WDPCP: variants seen among roughly 807,000 people sequenced by gnomAD.
WDPCP encodes the protein WD repeat containing planar cell polarity effector, also known as WD repeat-containing and planar cell polarity effector protein fritz homolog.
WDPCP carries 71 observed loss-of-function variants against 93.1 expected under a neutral mutation model. That is an observed-to-expected ratio of 0.76 (90% CI 0.63 to 0.93). WDPCP has a LOEUF of 0.93. Ranked by LOEUF, WDPCP falls within the 40% of genes least tolerant of loss-of-function variation. The pLI, the probability that WDPCP is intolerant of heterozygous loss-of-function variation, is 0.00. For missense variants in WDPCP, 844 were observed against 887.4 expected (o/e 0.95, Z 0.62); for synonymous variants, 315 against 315.0 (o/e 1.00, Z 0.00).
At chr2:63,538,058 GT>G (rs905147808) in intron 1 of WDPCP, among the ~76,000 whole-genome samples, 5 of 151,932 alleles carry the variant, frequency 3.3e-5, no homozygotes, top group African/African-American at 1.2e-4. Context: ...AGGTTTTGGG[GT>G]TTTTTTAATT....
intron 17 of WDPCP, among the ~76,000 whole-genome samples, chr2:63,138,255 A>T (rs1032080569): frequency 6.6e-6 from 1 of 152,006 alleles, no homozygotes; most frequent in Non-Finnish European, 1.5e-5. Flanking sequence ...ATTACAGTTC[A>T]CATTTAACTC....
At chr2:63,362,286 T>TGTGTGTGTGTGG in intron 12 of WDPCP, among the ~76,000 whole-genome samples, 1 of 121,878 alleles carries the variant, frequency 8.2e-6, no homozygotes, top group African/African-American at 3.4e-5. Context: ...GTTGTGTGTG[T>TGTGTGTGTGTGG]GTGTGTGTGT....
At chr2:63,620,768 G>C (rs1203357060) in intron 3 of WDPCP, among the ~76,000 whole-genome samples, 1 of 152,148 alleles carries the variant, frequency 6.6e-6, no homozygotes, top group East Asian at 1.9e-4. Context: ...ATAAAGGAGA[G>C]CTCCAGCTGG....
intron 9 of WDPCP, among the ~76,000 whole-genome samples, chr2:63,411,103 T>C (rs1694989614): frequency 6.6e-6 from 1 of 152,184 alleles, no homozygotes. Context: ...CAACAGCACA[T>C]GGAACCTTCT....
intron 13 of WDPCP, among the ~76,000 whole-genome samples, chr2:63,261,137 G>A (rs932146482): frequency 2.7e-5 from 4 of 150,016 alleles, no homozygotes; most frequent in African/African-American, 9.8e-5. Context: ...TGCAAGTAAT[G>A]TCAGGCTGCA....
chr2:63,544,003 C>T (rs1025090504), intron 1 of WDPCP, among the ~76,000 whole-genome samples: 4 of 151,892 alleles, frequency 2.6e-5, no homozygotes, highest in Non-Finnish European at 5.9e-5. Flanking sequence ...AACAATATAC[C>T]AATAGCTTGA....
intron 6 of WDPCP, among the ~76,000 whole-genome samples, chr2:63,462,564 G>A (rs1699088590): frequency 1.3e-5 from 2 of 152,044 alleles, no homozygotes; most frequent in South Asian, 2.1e-4. Flanking sequence ...GAGCAGACTG[G>A]TAGGGGCACA....
chr2:63,125,947 T>C (rs1669873053), intron 17 of WDPCP, among the ~76,000 whole-genome samples: 1 of 150,704 alleles, frequency 6.6e-6, no homozygotes, highest in African/African-American at 2.4e-5. Context: ...TTTTTTTTTT[T>C]TTTTTGAGAT....
At chr2:63,762,428 C>T (rs1366044509) in intron 2 of WDPCP, among the ~76,000 whole-genome samples, 1 of 152,116 alleles carries the variant, frequency 6.6e-6, no homozygotes, top group African/African-American at 2.4e-5. Context: ...CAGATTATGC[C>T]AATAAACTGG....
chr2:63,408,852 C>A (rs993255389), intron 9 of WDPCP, among the ~76,000 whole-genome samples: 14 of 152,054 alleles, frequency 9.2e-5, no homozygotes, highest in Non-Finnish European at 1.6e-4. Context: ...AATCCAGTGA[C>A]CTGGGAATGT....
Position 63,588,324 on chromosome 2 carries a change from G to T in WDPCP, c.-53C>A. 6.5e-7 allele frequency: 1 copy of T among 1,548,062 alleles called. No individual in the cohort carries two copies. Among genetic ancestry groups the T allele is most frequent in the Non-Finnish European group, 8.8e-7 (1 of 1,142,680 alleles). ...TCCTAGGCTAGGTCCTCGGACCCGA[G>T]AGGGAGCGACACGCTCGCTTGGTCT... On this transcript the variant is annotated 5_prime_UTR_variant, in exon 1 of 18. Coordinates refer to ENST00000272321, the MANE Select transcript of WDPCP (RefSeq NM_015910.7).
chr2:63,653,333 G>A (rs550948833), intron 2 of WDPCP, among the ~76,000 whole-genome samples: 104 of 152,260 alleles, frequency 6.8e-4, no homozygotes, highest in African/African-American at 2.4e-3. Flanking sequence ...CACAGGATTG[G>A]GACTGAATCA....
chr2:63,193,872 C>CT (rs1310632654), intron 14 of WDPCP, among the ~76,000 whole-genome samples: 43 of 152,012 alleles, frequency 2.8e-4, no homozygotes, highest in Non-Finnish European at 5.6e-4. Flanking sequence ...GTGAAGGTGG[C>CT]TTTTTGCGAA....
chr2:63,306,998 G>A (rs1009544773), intron 13 of WDPCP, among the ~76,000 whole-genome samples: 6 of 152,138 alleles, frequency 3.9e-5, no homozygotes, highest in Non-Finnish European at 5.9e-5. Flanking sequence ...AAACCCCATC[G>A]TCTCAGCCCA....
At chr2:63,589,081 G>C (rs372341562), upstream of WDPCP, 5 of 1,614,000 alleles carry the variant, frequency 3.1e-6, no homozygotes, top group Non-Finnish European at 4.2e-6. Flanking sequence ...CCCACCTCTG[G>C]CCCTCGCGCC....
At chr2:63,293,564 T>C (rs1372752713) in intron 13 of WDPCP, among the ~76,000 whole-genome samples, 2 of 151,952 alleles carry the variant, frequency 1.3e-5, no homozygotes, top group South Asian at 4.1e-4. Flanking sequence ...AAAAAAGACC[T>C]AATGGCAGAC....
intron 2 of WDPCP, among the ~76,000 whole-genome samples, chr2:63,714,917 G>A (rs1669313041): frequency 6.6e-6 from 1 of 152,148 alleles, no homozygotes; most frequent in African/African-American, 2.4e-5. Flanking sequence ...AACAACCCAG[G>A]TGTCAATCCA....
intron 14 of WDPCP, among the ~76,000 whole-genome samples, chr2:63,236,387 A>C (rs1679394254): frequency 1.3e-5 from 2 of 152,222 alleles, no homozygotes; most frequent in Non-Finnish European, 2.9e-5. Flanking sequence ...AATGTCACTA[A>C]AATGTCCATA....
intron 14 of WDPCP, among the ~76,000 whole-genome samples, chr2:63,231,266 G>A (rs1031992260): frequency 5.3e-5 from 8 of 152,124 alleles, no homozygotes; most frequent in African/African-American, 9.7e-5. Flanking sequence ...TTGAAAAGTC[G>A]CACAAGACAG....
Sources: allele counts gnomAD v4.1 joint callset (sites outside exome capture counted in the v4.1 genomes callset), GRCh38; gene constraint gnomAD v4.1.1; transcripts MANE v1.5; gene names NCBI Gene and HGNC (gene_info 2026-07-23, HGNC 2026-07-21).